Variants in ASTN2 observed in about 807,000 individuals in gnomAD.
ASTN2 encodes the protein astrotactin-2.
Under a neutral mutation model 139.8 loss-of-function variants are expected in ASTN2, and 54 were observed. The observed-to-expected ratio is 0.39, with a 90% CI of 0.31 to 0.48. The LOEUF is 0.48. Ranked by LOEUF, ASTN2 falls within the 20% of genes least tolerant of loss-of-function variation. The pLI is 0.95. For synonymous variants in ASTN2, 756 were observed against 719.5 expected, an observed-to-expected ratio of 1.05 and a Z score of -0.81; for missense variants, 1,565 against 1,725.1, an observed-to-expected ratio of 0.91 and a Z score of 1.64.
rs568112713 is a variant in ASTN2 at position 116,732,872 on chromosome 9, C to G, written c.2521+527G>C. ...CTTTGGACTGGTCCCTTCTACCTCT[C>G]TAAGTATAGCTTCCTAATCTATCAA... On this transcript the variant is annotated intron_variant, in intron 14 of 22. Coordinates refer to ENST00000313400, the MANE Select transcript of ASTN2 (RefSeq NM_001365068.1). 7.2e-5 allele frequency among the ~76,000 whole-genome samples: 11 copies of G among 152,312 alleles called. No individual in the cohort carries two copies. In the East Asian group the frequency reaches 1.2e-3, roughly 16 times the overall value.
chr9:116,696,741 T>C (rs1387042633), intron 16 of ASTN2, among the ~76,000 whole-genome samples: 2 of 152,174 alleles, frequency 1.3e-5, no homozygotes, highest in Non-Finnish European at 2.9e-5. Flanking sequence ...AGGATCTGTA[T>C]CCTAAAGACC....
chr9:117,092,532 A>G (rs528262328), intron 5 of ASTN2, among the ~76,000 whole-genome samples: 75 of 152,292 alleles, frequency 4.9e-4, no homozygotes, highest in African/African-American at 1.6e-3. Context: ...GTAAAGTTGA[A>G]TGTCTTTATC....
chr9:117,048,561 G>A (rs1422520928), intron 5 of ASTN2, among the ~76,000 whole-genome samples: 1 of 152,200 alleles, frequency 6.6e-6, no homozygotes, highest in Non-Finnish European at 1.5e-5. Flanking sequence ...CAAACGGCTG[G>A]CTATTTGAAT....
At chr9:117,400,392 G>A (rs1830792618) in intron 1 of ASTN2, among the ~76,000 whole-genome samples, 1 of 152,190 alleles carries the variant, frequency 6.6e-6, no homozygotes, top group Non-Finnish European at 1.5e-5. Flanking sequence ...AAGCAGGGAG[G>A]CAAGTGAGTG....
chr9:117,179,117 T>C (rs1046633003), intron 3 of ASTN2, among the ~76,000 whole-genome samples: 1 of 152,200 alleles, frequency 6.6e-6, no homozygotes, highest in Admixed American at 6.5e-5. Flanking sequence ...AGCCAATATG[T>C]ATTGAAGGCT....
At chr9:117,124,508 T>C (rs1402286455) in intron 4 of ASTN2, among the ~76,000 whole-genome samples, 1 of 152,184 alleles carries the variant, frequency 6.6e-6, no homozygotes, top group African/African-American at 2.4e-5. Context: ...ATTAATATTG[T>C]ATATAATCAT....
intron 16 of ASTN2, among the ~76,000 whole-genome samples, chr9:116,665,617 C>T (rs772268442): frequency 4.6e-5 from 7 of 152,072 alleles, no homozygotes; most frequent in Non-Finnish European, 7.3e-5. Flanking sequence ...GAATCCAAGT[C>T]TGGAACAAGT....
intron 19 of ASTN2, among the ~76,000 whole-genome samples, chr9:116,570,935 A>AAAAAGGTATATTTTT: frequency 6.6e-6 from 1 of 152,296 alleles, no homozygotes; most frequent in East Asian, 1.9e-4. Context: ...TTATTTTTTA[A>AAAAAGGTATATTTTT]AAAAGGTATA....
chr9:116,663,740 A>C (rs1168901267), intron 16 of ASTN2, among the ~76,000 whole-genome samples: 1 of 152,172 alleles, frequency 6.6e-6, no homozygotes, highest in Non-Finnish European at 1.5e-5. Context: ...TTACAGGCAC[A>C]TATTCCAGGA....
At chr9:117,383,865 A>G (rs1830330474) in intron 1 of ASTN2, among the ~76,000 whole-genome samples, 1 of 152,184 alleles carries the variant, frequency 6.6e-6, no homozygotes, top group Non-Finnish European at 1.5e-5. Flanking sequence ...GCTCCCTTCT[A>G]TCAATTCCAG....
At chr9:117,180,794 C>G (rs2132945309) in intron 3 of ASTN2, 1 of 1,545,618 alleles carries the variant, frequency 6.5e-7, no homozygotes, top group East Asian at 2.2e-5. Context: ...TTCTCAGCCA[C>G]CATGTCTTCA....
intron 10 of ASTN2, among the ~76,000 whole-genome samples, chr9:116,869,523 G>C (rs1392434804): frequency 6.6e-6 from 1 of 152,116 alleles, no homozygotes. Flanking sequence ...AAAAATCTTA[G>C]GGAAAGGATC....
chr9:117,152,174 A>G (rs1830339540), intron 3 of ASTN2, among the ~76,000 whole-genome samples: 1 of 152,118 alleles, frequency 6.6e-6, no homozygotes, highest in African/African-American at 2.4e-5. Flanking sequence ...TTAACACACT[A>G]CCCAAACTGG....
chr9:116,654,624 A>G (rs1420897511), intron 16 of ASTN2, among the ~76,000 whole-genome samples: 1 of 152,230 alleles, frequency 6.6e-6, no homozygotes, highest in Non-Finnish European at 1.5e-5. Context: ...AAAGAAGAGA[A>G]AAGTGTGTCC....
intron 2 of ASTN2, among the ~76,000 whole-genome samples, chr9:117,266,274 C>T (rs1051750717): frequency 3.3e-5 from 5 of 152,086 alleles, no homozygotes; most frequent in East Asian, 1.9e-4. Context: ...GTAATAAGCA[C>T]GCCTACAAAG....
chr9:116,471,603 G>T (rs1157506235), intron 20 of ASTN2, among the ~76,000 whole-genome samples: 2 of 152,096 alleles, frequency 1.3e-5, no homozygotes, highest in African/African-American at 2.4e-5. Context: ...GGCAGTAAAG[G>T]GGGTGGAGGG....
intron 10 of ASTN2, among the ~76,000 whole-genome samples, chr9:116,957,705 G>T (rs115388266): frequency 6.6e-6 from 1 of 152,156 alleles, no homozygotes; most frequent in South Asian, 2.1e-4. Flanking sequence ...ACGGAGTCTC[G>T]CTCTGTTGCT....
intron 2 of ASTN2, among the ~76,000 whole-genome samples, chr9:117,264,365 A>G (rs1417271006): frequency 4.6e-5 from 7 of 152,190 alleles, no homozygotes; most frequent in African/African-American, 1.7e-4. Context: ...TTCTGGCTCT[A>G]CCACTCATGG....
intron 3 of ASTN2, among the ~76,000 whole-genome samples, chr9:117,167,285 C>T (rs1032100375): frequency 1.3e-5 from 2 of 151,792 alleles, no homozygotes; most frequent in African/African-American, 4.8e-5. Flanking sequence ...TTTTTCAAAA[C>T]ATTTCCTTAA....
Sources: allele counts gnomAD v4.1 joint callset (sites outside exome capture counted in the v4.1 genomes callset), GRCh38; gene constraint gnomAD v4.1.1; transcripts MANE v1.5; gene names NCBI Gene and HGNC (gene_info 2026-07-23, HGNC 2026-07-21).